OPCML: variants seen among roughly 807,000 people sequenced by gnomAD.
OPCML encodes the protein opioid binding protein/cell adhesion molecule like.
OPCML carries 13 observed loss-of-function variants against 37.8 expected under a neutral mutation model. That is an observed-to-expected ratio of 0.34 (90% CI 0.22 to 0.55). The LOEUF is 0.55. Among genes scored for constraint, OPCML ranks in the 20% least tolerant of loss-of-function variants. OPCML has a pLI of 0.91. For missense variants in OPCML, 341 were observed against 435.6 expected (o/e 0.78, Z 1.93); for synonymous variants, 176 against 168.8 (o/e 1.04, Z -0.33).
chr11:133,524,656 A>T (rs1297355645), intron 1 of OPCML, among the ~76,000 whole-genome samples: 1 of 152,224 alleles, frequency 6.6e-6, no homozygotes, highest in Non-Finnish European at 1.5e-5. Flanking sequence ...GTGCGATGTG[A>T]GATCCAAAAG....
chr11:132,820,390 T>A (rs1939910047), intron 2 of OPCML, among the ~76,000 whole-genome samples: 3 of 152,200 alleles, frequency 2.0e-5, no homozygotes, highest in Non-Finnish European at 1.5e-5. Context: ...AGCAGGCCAG[T>A]GATAGGCGTA....
chr11:132,951,393 G>C (rs998502310), intron 1 of OPCML, among the ~76,000 whole-genome samples: 1 of 152,156 alleles, frequency 6.6e-6, no homozygotes, highest in African/African-American at 2.4e-5. Context: ...GCTCACGTGG[G>C]GAAGAAAACT....
chr11:133,054,943 C>A (rs1019188590), intron 1 of OPCML, among the ~76,000 whole-genome samples: 3 of 150,740 alleles, frequency 2.0e-5, no homozygotes, highest in Non-Finnish European at 4.4e-5. Flanking sequence ...CTCCATGATA[C>A]TTCCAAGTGG....
At chr11:133,210,458 G>A (rs1368812647) in intron 1 of OPCML, among the ~76,000 whole-genome samples, 3 of 151,956 alleles carry the variant, frequency 2.0e-5, no homozygotes, top group African/African-American at 7.3e-5. Flanking sequence ...TTTCTGGTCT[G>A]GGTTCTTTCT....
intron 4 of OPCML, among the ~76,000 whole-genome samples, chr11:132,516,461 G>A (rs662798): frequency 0.63 from 95,666 of 151,902 alleles, 30,114 homozygotes; most frequent in East Asian, 0.72. Flanking sequence ...ATGGATACAT[G>A]TGTGTGTACC....
At chr11:133,375,459 T>C (rs1339520458) in intron 1 of OPCML, among the ~76,000 whole-genome samples, 1 of 152,220 alleles carries the variant, frequency 6.6e-6, no homozygotes. Flanking sequence ...ACCTCATTTC[T>C]CAGCTTCCAA....
At chr11:132,482,226 G>A (rs1218721871) in intron 4 of OPCML, among the ~76,000 whole-genome samples, 2 of 152,014 alleles carry the variant, frequency 1.3e-5, no homozygotes, top group Admixed American at 6.5e-5. Flanking sequence ...AATAAAAAAT[G>A]ATAAAGGGGA....
intron 1 of OPCML, among the ~76,000 whole-genome samples, chr11:133,149,745 G>A (rs543190023): frequency 7.2e-5 from 11 of 152,320 alleles, no homozygotes; most frequent in South Asian, 6.2e-4. Context: ...CTGGCTGACC[G>A]TTAGGCCACC....
chr11:132,959,340 G>A (rs973966710), intron 1 of OPCML, among the ~76,000 whole-genome samples: 1 of 152,226 alleles, frequency 6.6e-6, no homozygotes, highest in African/African-American at 2.4e-5. Flanking sequence ...AAAGGAAGTG[G>A]TTTCTTGAGA....
Position 133,038,097 on chromosome 11 carries a change from G to A in OPCML, c.62-95087C>T, listed in dbSNP as rs189313277. On this transcript the variant is annotated intron_variant, in intron 1 of 7. Transcript: ENST00000524381. ...CTTGGCCCATATCTCTACAAGTAGG[G>A]TGGTGGCCACCTCTCTTTCTGCCTG... 5.3e-4 allele frequency among the ~76,000 whole-genome samples: 80 copies of A among 152,338 alleles called. No homozygotes were observed. The East Asian group carries it at 0.013, about 24-fold the overall frequency.
chr11:133,107,105 C>G (rs979886779), intron 1 of OPCML, among the ~76,000 whole-genome samples: 8 of 152,214 alleles, frequency 5.3e-5, no homozygotes, highest in Non-Finnish European at 1.2e-4. Flanking sequence ...CCCAGGCCAC[C>G]TTCTCTTCTC....
intron 1 of OPCML, among the ~76,000 whole-genome samples, chr11:133,349,665 T>C (rs1048693379): frequency 1.3e-5 from 2 of 152,216 alleles, no homozygotes; most frequent in Non-Finnish European, 2.9e-5. Context: ...CTTTCTTTCC[T>C]ATAGACTTTG....
At chr11:132,640,917 C>T (rs1364062262) in intron 3 of OPCML, among the ~76,000 whole-genome samples, 2 of 152,166 alleles carry the variant, frequency 1.3e-5, no homozygotes, top group African/African-American at 4.8e-5. Flanking sequence ...CACTGCACCT[C>T]CTGGGAAGGC....
chr11:132,580,313 T>A (rs1230735360), intron 3 of OPCML, among the ~76,000 whole-genome samples: 2 of 152,288 alleles, frequency 1.3e-5, no homozygotes, highest in South Asian at 4.1e-4. Flanking sequence ...GTTTAAATGA[T>A]CTTTATAAAA....
At chr11:132,539,803 T>C (rs1458938379) in intron 3 of OPCML, among the ~76,000 whole-genome samples, 3 of 151,950 alleles carry the variant, frequency 2.0e-5, no homozygotes, top group Non-Finnish European at 4.4e-5. Flanking sequence ...ACGGTAATGA[T>C]GATGGTGATA....
In OPCML at chr11:133,106,691, C is replaced by A. The variant is rs752463212; in HGVS notation, c.62-163681G>T. On this transcript the variant is annotated intron_variant, in intron 1 of 7. Transcript: ENST00000524381. ...GTAAGCACAAATGACATATCCAGGA[C>A]CAGACAATAGAGCACATGTCAAAGT... Among the ~76,000 whole-genome samples, 14 of 152,162 alleles carry A rather than the reference C, an allele frequency of 9.2e-5. No individual in the cohort carries two copies. In the South Asian group the frequency reaches 1.2e-3, roughly 14 times the overall value.
chr11:132,727,413 G>A (rs184695674), intron 2 of OPCML, among the ~76,000 whole-genome samples: 11 of 152,292 alleles, frequency 7.2e-5, no homozygotes, highest in Admixed American at 3.3e-4. Flanking sequence ...ACAAACAGGC[G>A]TGGAGGCCTC....
chr11:133,264,585 C>T (rs1941597242), intron 1 of OPCML, among the ~76,000 whole-genome samples: 1 of 152,094 alleles, frequency 6.6e-6, no homozygotes, highest in Non-Finnish European at 1.5e-5. Flanking sequence ...CTCGAGGGAA[C>T]CAGGAGTGAA....
At chr11:133,007,453 C>T in intron 1 of OPCML, 1 of 985,436 alleles carries the variant, frequency 1.0e-6, no homozygotes, top group Non-Finnish European at 1.2e-6. Flanking sequence ...AAAATGCACA[C>T]AAAGCCCTGC....
Sources: allele counts gnomAD v4.1 joint callset (sites outside exome capture counted in the v4.1 genomes callset), GRCh38; gene constraint gnomAD v4.1.1; transcripts MANE v1.5; gene names NCBI Gene and HGNC (gene_info 2026-07-23, HGNC 2026-07-21).